The following RALYL variants were observed in gnomAD, a reference collection of about 807,000 sequenced individuals.
RALYL encodes RNA-binding Raly-like protein.
A neutral mutation model predicts 35.1 loss-of-function variants in RALYL; 29 were observed. The observed-to-expected ratio is 0.83, with a 90% CI of 0.61 to 1.13. The LOEUF (loss-of-function observed/expected upper bound fraction) is 1.13, where lower values mean the gene tolerates loss of function less well. Among genes scored for constraint, RALYL ranks in the 50% most tolerant of loss-of-function variants. The pLI, the probability that RALYL is intolerant of heterozygous loss-of-function variation, is 0.00. For synonymous variants in RALYL, 120 were observed against 127.6 expected (o/e 0.94, Z 0.40); for missense variants, 359 against 360.4 (o/e 1.00, Z 0.03).
chr8:84,345,114 T>TA (rs1042747100), intron 1 of RALYL, among the ~76,000 whole-genome samples: 3 of 151,380 alleles, frequency 2.0e-5, no homozygotes, highest in Non-Finnish European at 4.4e-5. Flanking sequence ...TTTTTTTTTT[T>TA]AGGAACTTCC....
intron 1 of RALYL, among the ~76,000 whole-genome samples, chr8:84,327,131 G>GT (rs145417881): frequency 0.011 from 1,649 of 152,232 alleles, 22 homozygotes; most frequent in Non-Finnish European, 0.016. Context: ...AAAGGGGGTG[G>GT]TAGAGCCTAG....
At chr8:84,674,988 A>C (rs900927299) in intron 2 of RALYL, among the ~76,000 whole-genome samples, 1 of 152,104 alleles carries the variant, frequency 6.6e-6, no homozygotes, top group Non-Finnish European at 1.5e-5. Flanking sequence ...TAAAAAAAAA[A>C]AAGGAAGACT....
intron 1 of RALYL, among the ~76,000 whole-genome samples, chr8:84,445,323 T>C (rs2048737214): frequency 6.6e-6 from 1 of 152,022 alleles, no homozygotes. Context: ...TTACATGACT[T>C]TATAATCAGT....
chr8:84,723,911 C>A (rs1563442117), intron 2 of RALYL, among the ~76,000 whole-genome samples: 1 of 151,580 alleles, frequency 6.6e-6, no homozygotes, highest in Non-Finnish European at 1.5e-5. Context: ...ATATTTATTT[C>A]TTTGGGTCAC....
At chr8:84,822,771 C>T (rs1411596631) in intron 4 of RALYL, among the ~76,000 whole-genome samples, 2 of 152,102 alleles carry the variant, frequency 1.3e-5, no homozygotes, top group African/African-American at 2.4e-5. Context: ...TTAAAAGCAT[C>T]GTTAATTGCC....
chr8:84,785,864 C>T lies in RALYL; in HGVS notation c.332+11210C>T, dbSNP rs146111749. Among the ~76,000 whole-genome samples the T allele has an allele frequency of 2.1e-4, 32 of 152,264 alleles. 1 individual carries two copies. In the East Asian group the frequency reaches 3.3e-3, roughly 16 times the overall value. ...TAAGTTCTGGGATACATGTACAGGA[C>T]GTGCAGGTTTGTTACATAGGTAAAT... On this transcript the variant is annotated intron_variant, in intron 3 of 8. Transcript: ENST00000521268.
chr8:84,425,685 T>C (rs2046327487), intron 1 of RALYL, among the ~76,000 whole-genome samples: 1 of 152,192 alleles, frequency 6.6e-6, no homozygotes, highest in Non-Finnish European at 1.5e-5. Flanking sequence ...ATCCTGATGC[T>C]ATTGGAAGAT....
intron 3 of RALYL, among the ~76,000 whole-genome samples, chr8:84,785,776 T>C (rs1819297751): frequency 6.6e-6 from 1 of 152,140 alleles, no homozygotes; most frequent in Non-Finnish European, 1.5e-5. Context: ...TTAGATGAAA[T>C]GTTCACAAAG....
At chr8:84,394,866 T>C (rs1229988021) in intron 1 of RALYL, among the ~76,000 whole-genome samples, 2 of 151,956 alleles carry the variant, frequency 1.3e-5, no homozygotes, top group Non-Finnish European at 1.5e-5. Context: ...AAGTGTGGTT[T>C]TTCTCAGGGG....
chr8:84,202,932 C>T (rs1817243447), intron 1 of RALYL, among the ~76,000 whole-genome samples: 1 of 152,074 alleles, frequency 6.6e-6, no homozygotes, highest in African/African-American at 2.4e-5. Flanking sequence ...AGTAATTTAT[C>T]ATTCATAGGT....
chr8:84,795,888 AC>A (rs1821799547), intron 3 of RALYL, among the ~76,000 whole-genome samples: 1 of 152,052 alleles, frequency 6.6e-6, no homozygotes, highest in Non-Finnish European at 1.5e-5. Flanking sequence ...ACTTTCAGCC[AC>A]CTCAGACTAT....
At chr8:84,394,156 T>G (rs1861296200) in intron 1 of RALYL, among the ~76,000 whole-genome samples, 2 of 152,244 alleles carry the variant, frequency 1.3e-5, no homozygotes, top group Admixed American at 1.3e-4. Context: ...TCAAGTGTCG[T>G]TCACTTCCTT....
intron 1 of RALYL, among the ~76,000 whole-genome samples, chr8:84,221,159 G>T (rs1822108470): frequency 6.6e-6 from 1 of 151,954 alleles, no homozygotes; most frequent in African/African-American, 2.4e-5. Context: ...ATCTGAGAAG[G>T]CATTTATTAC....
intron 2 of RALYL, among the ~76,000 whole-genome samples, chr8:84,670,072 C>T (rs562252146): frequency 1.3e-5 from 2 of 151,990 alleles, no homozygotes; most frequent in South Asian, 4.2e-4. Flanking sequence ...TGAAACAGGG[C>T]TCTTTTTTTC....
intron 1 of RALYL, among the ~76,000 whole-genome samples, chr8:84,435,361 T>C (rs796749734): frequency 6.6e-6 from 1 of 152,254 alleles, no homozygotes; most frequent in African/African-American, 2.4e-5. Context: ...GGTAGAAATA[T>C]TACAAATCTT....
intron 1 of RALYL, among the ~76,000 whole-genome samples, chr8:84,440,537 A>T (rs1045920740): frequency 6.6e-6 from 1 of 152,094 alleles, no homozygotes; most frequent in Non-Finnish European, 1.5e-5. Context: ...GTCCCAGCCC[A>T]TAGTAATGAC....
At chr8:84,733,462 A>C (rs975949611) in intron 2 of RALYL, among the ~76,000 whole-genome samples, 1 of 152,186 alleles carries the variant, frequency 6.6e-6, no homozygotes, top group African/African-American at 2.4e-5. Flanking sequence ...TGGTCACCAC[A>C]ATGCTTTGAG....
chr8:84,405,213 C>T (rs1414242474), intron 1 of RALYL, among the ~76,000 whole-genome samples: 1 of 152,116 alleles, frequency 6.6e-6, no homozygotes, highest in African/African-American at 2.4e-5. Flanking sequence ...ACAGCTAAAG[C>T]AGTGTTTAGA....
At chr8:84,676,179 C>G (rs1834154566) in intron 2 of RALYL, among the ~76,000 whole-genome samples, 1 of 152,118 alleles carries the variant, frequency 6.6e-6, no homozygotes, top group African/African-American at 2.4e-5. Context: ...AATATTTTCT[C>G]TTTGGATTTT....
Sources: allele counts gnomAD v4.1 joint callset (sites outside exome capture counted in the v4.1 genomes callset), GRCh38; gene constraint gnomAD v4.1.1; transcripts MANE v1.5; gene names NCBI Gene and HGNC (gene_info 2026-07-23, HGNC 2026-07-21).